The following DLG2 variants were observed in gnomAD, a reference collection of about 807,000 sequenced individuals.
DLG2 encodes discs large MAGUK scaffold protein 2, also known as disks large homolog 2.
DLG2 carries 45 observed loss-of-function variants against 132.5 expected under a neutral mutation model. The observed-to-expected ratio is 0.34, with a 90% CI of 0.27 to 0.44. DLG2 has a LOEUF of 0.44. DLG2 is among the 20% of genes least tolerant of loss of function. The pLI is 1.00. For missense variants in DLG2, 1,045 were observed against 1,196.9 expected (o/e 0.87, Z 1.87); for synonymous variants, 424 against 419.6 (o/e 1.01, Z -0.13).
At chr11:83,779,269 G>GA (rs1358366553) in intron 18 of DLG2, among the ~76,000 whole-genome samples, 1 of 151,934 alleles carries the variant, frequency 6.6e-6, no homozygotes, top group Non-Finnish European at 1.5e-5. Flanking sequence ...GATGGAAAGA[G>GA]AAAAACTGTA....
At chr11:83,765,806 A>G (rs2094117108) in intron 18 of DLG2, among the ~76,000 whole-genome samples, 1 of 152,166 alleles carries the variant, frequency 6.6e-6, no homozygotes, top group Admixed American at 6.5e-5. Context: ...GAGATAGAAA[A>G]CTGTTGCCTT....
At chr11:85,355,330 G>A (rs183325059) in intron 3 of DLG2, among the ~76,000 whole-genome samples, 1 of 152,200 alleles carries the variant, frequency 6.6e-6, no homozygotes, top group Admixed American at 6.6e-5. Context: ...TTTAAAATGA[G>A]TGTGGGGTTT....
chr11:85,087,862 A>AAAAAAAAAAAAC (rs2154174649), intron 6 of DLG2, among the ~76,000 whole-genome samples: 1 of 149,020 alleles, frequency 6.7e-6, no homozygotes, highest in Non-Finnish European at 1.5e-5. Context: ...AAAAAAAAAA[A>AAAAAAAAAAAAC]AAAAAAACAG....
At chr11:84,255,350 G>T (rs1383383652) in intron 7 of DLG2, among the ~76,000 whole-genome samples, 2 of 152,050 alleles carry the variant, frequency 1.3e-5, no homozygotes, top group African/African-American at 4.8e-5. Flanking sequence ...TTGAGATGGG[G>T]TCTCGCTCTA....
intron 3 of DLG2, among the ~76,000 whole-genome samples, chr11:85,426,499 T>C (rs2090751694): frequency 6.6e-6 from 1 of 152,174 alleles, no homozygotes. Flanking sequence ...CTTCCACTGC[T>C]GATACTCAGG....
chr11:85,098,168 A>G (rs1483018446), intron 6 of DLG2, among the ~76,000 whole-genome samples: 1 of 152,210 alleles, frequency 6.6e-6, no homozygotes, highest in Non-Finnish European at 1.5e-5. Context: ...CATTTCCTAA[A>G]TTAAGTAAGC....
At chr11:84,831,439 T>A (rs1035177164) in intron 6 of DLG2, among the ~76,000 whole-genome samples, 1 of 151,650 alleles carries the variant, frequency 6.6e-6, no homozygotes, top group Admixed American at 6.6e-5. Context: ...CTACTTTAAA[T>A]CTTTGTGAAC....
chr11:85,239,847 G>A (rs1211855921), intron 4 of DLG2, among the ~76,000 whole-genome samples: 1 of 151,982 alleles, frequency 6.6e-6, no homozygotes, highest in African/African-American at 2.4e-5. Context: ...CACTGGACAT[G>A]CTATGACTAT....
chr11:85,305,876 T>A (rs2079908056), intron 3 of DLG2, among the ~76,000 whole-genome samples: 1 of 152,216 alleles, frequency 6.6e-6, no homozygotes, highest in African/African-American at 2.4e-5. Context: ...ACAGAAAATG[T>A]GCAGCACTTA....
intron 6 of DLG2, among the ~76,000 whole-genome samples, chr11:84,646,033 G>C (rs2099674518): frequency 6.6e-6 from 1 of 151,964 alleles, no homozygotes. Flanking sequence ...GGCCAGCTCT[G>C]AAATATCTAA....
chr11:85,378,596 A>G (rs909583147), intron 3 of DLG2, among the ~76,000 whole-genome samples: 1 of 152,170 alleles, frequency 6.6e-6, no homozygotes, highest in Non-Finnish European at 1.5e-5. Flanking sequence ...GAAGAAAAAA[A>G]TGAACTATCT....
intron 6 of DLG2, among the ~76,000 whole-genome samples, chr11:84,595,648 C>T (rs376503127): frequency 6.6e-6 from 1 of 152,098 alleles, no homozygotes; most frequent in Admixed American, 6.5e-5. Context: ...GGTAGTGAAG[C>T]TTTCATAGGT....
chr11:85,562,139 A>T (rs2153223956), intron 3 of DLG2, among the ~76,000 whole-genome samples: 1 of 151,912 alleles, frequency 6.6e-6, no homozygotes, highest in South Asian at 2.1e-4. Context: ...TCTGGTTACA[A>T]AGCAAGAATG....
At chr11:84,386,358 A>G (rs2098770216) in intron 7 of DLG2, among the ~76,000 whole-genome samples, 1 of 152,052 alleles carries the variant, frequency 6.6e-6, no homozygotes, top group Non-Finnish European at 1.5e-5. Context: ...TGATATTTAT[A>G]ATATTATTTG....
At chr11:84,856,964 C>G (rs1019658155) in intron 6 of DLG2, among the ~76,000 whole-genome samples, 38 of 151,668 alleles carry the variant, frequency 2.5e-4, no homozygotes, top group Non-Finnish European at 4.4e-5. Context: ...TGTCACAAGC[C>G]AAGGGAAGAG....
At chr11:84,931,877 G>T (rs1010937985) in intron 6 of DLG2, among the ~76,000 whole-genome samples, 1 of 152,110 alleles carries the variant, frequency 6.6e-6, no homozygotes, top group Non-Finnish European at 1.5e-5. Context: ...CAGTCATGTT[G>T]AGCTTCTTTT....
chr11:84,595,679 C>A (rs77537042), intron 6 of DLG2, among the ~76,000 whole-genome samples: 1 of 151,970 alleles, frequency 6.6e-6, no homozygotes, highest in South Asian at 2.1e-4. Flanking sequence ...TCATTTCTTC[C>A]GGAAGTTGTT....
intron 10 of DLG2, among the ~76,000 whole-genome samples, chr11:84,079,756 C>A (rs1363824701): frequency 6.6e-6 from 1 of 152,196 alleles, no homozygotes; most frequent in African/African-American, 2.4e-5. Context: ...TACTATAGCA[C>A]CCAAGGCTCT....
At chr11:84,041,542 A>T (rs994729994) in intron 11 of DLG2, among the ~76,000 whole-genome samples, 9 of 151,918 alleles carry the variant, frequency 5.9e-5, no homozygotes, top group Non-Finnish European at 1.0e-4. Context: ...TTTTATTATG[A>T]ATAAGGCTGA....
Sources: allele counts gnomAD v4.1 joint callset (sites outside exome capture counted in the v4.1 genomes callset), GRCh38; gene constraint gnomAD v4.1.1; transcripts MANE v1.5; gene names NCBI Gene and HGNC (gene_info 2026-07-23, HGNC 2026-07-21).